Variants in NLRP8 observed in about 807,000 individuals in gnomAD.
NLRP8 encodes the protein NLR family pyrin domain containing 8.
A neutral mutation model predicts 88.7 loss-of-function variants in NLRP8; 86 were observed. That is an observed-to-expected ratio of 0.97 (90% CI 0.81 to 1.16). NLRP8 has a LOEUF of 1.16. Among genes scored for constraint, NLRP8 ranks in the 50% most tolerant of loss-of-function variants. The pLI is 0.00. For synonymous variants in NLRP8, 504 were observed against 494.6 expected (o/e 1.02, Z -0.25); for missense variants, 1,342 against 1,286.5 (o/e 1.04, Z -0.66).
intron 4 of NLRP8, among the ~76,000 whole-genome samples, chr19:55,962,567 C>A (rs189342546): frequency 6.6e-6 from 1 of 152,202 alleles, no homozygotes; most frequent in African/African-American, 2.4e-5. Flanking sequence ...TTCCTGACAT[C>A]TCCCTGGTGC....
intron 5 of NLRP8, among the ~76,000 whole-genome samples, chr19:55,968,417 C>T (rs1006940122): frequency 1.5e-4 from 22 of 151,486 alleles, no homozygotes; most frequent in African/African-American, 3.6e-4. Flanking sequence ...CCAGCCTGGG[C>T]GACAGAGCAA....
At chr19:55,969,543 T>C (rs1159313703) in intron 5 of NLRP8, among the ~76,000 whole-genome samples, 1 of 152,214 alleles carries the variant, frequency 6.6e-6, no homozygotes, top group African/African-American at 2.4e-5. Context: ...TCTTTGCAAT[T>C]GTGAATTGTG....
intron 6 of NLRP8, 52 bp from the exon 7 acceptor site, chr19:55,973,600 G>T: frequency 6.7e-7 from 1 of 1,502,436 alleles, no homozygotes. Flanking sequence ...ACCCTTCTGT[G>T]TGAGACAAAG....
chr19:55,949,729 TCAG>T (rs1238648255), intron 1 of NLRP8, among the ~76,000 whole-genome samples: 18 of 94,480 alleles, frequency 1.9e-4, no homozygotes, highest in African/African-American at 7.2e-4. Context: ...TTACAAGTAG[TCAG>T]TCTCATTGGT....
chr19:55,961,120 G>T (rs776842827), intron 3 of NLRP8, among the ~76,000 whole-genome samples: 1 of 151,998 alleles, frequency 6.6e-6, no homozygotes, highest in African/African-American at 2.4e-5. Flanking sequence ...GGCCAGGCTG[G>T]TCTCGAACTC....
At chr19:55,965,703 C>T (rs778266819) in intron 4 of NLRP8, among the ~76,000 whole-genome samples, 23 of 151,784 alleles carry the variant, frequency 1.5e-4, no homozygotes, top group Non-Finnish European at 1.3e-4. Flanking sequence ...ATGTGCAGAA[C>T]GTGCAGGTTT....
chr19:55,959,810 G>A (rs1836397610), intron 3 of NLRP8, among the ~76,000 whole-genome samples: 1 of 152,180 alleles, frequency 6.6e-6, no homozygotes, highest in African/African-American at 2.4e-5. Flanking sequence ...ACGTGTAAGT[G>A]TTCATTCCTC....
In NLRP8 at chr19:55,955,115, A is replaced by T; in HGVS notation, c.1057A>T (p.Thr353Ser). The T allele has an allele frequency of 6.2e-7, 1 of 1,614,020 alleles. No individual in the cohort carries two copies. The highest frequency in any genetic ancestry group is 8.5e-7 in the Non-Finnish European group (1 of 1,179,970). Residue 353 changes from threonine to serine, a missense_variant, in exon 3 of 10, where the codon ACC becomes TCC. Thr to Ser is a moderately conservative substitution (Grantham distance 58). Transcript: ENST00000291971. ...CTTGCTGAAATGTCCCTCTCTCGTA[A>T]CCCTTCCGGGGTTTAATACGATGGA...
chr19:55,968,180 T>C (rs1266296919), intron 5 of NLRP8, among the ~76,000 whole-genome samples: 1 of 152,246 alleles, frequency 6.6e-6, no homozygotes, highest in African/African-American at 2.4e-5. Context: ...GGCTCATGCC[T>C]GTAATCCCAG....
At chr19:55,954,372 T>G in intron 2 of NLRP8, 129 bp from the exon 3 acceptor site, 1 of 917,094 alleles carries the variant, frequency 1.1e-6, no homozygotes, top group Non-Finnish European at 1.7e-6. Context: ...TCAGGAAAGG[T>G]TATTTCATTT....
chr19:55,958,071 A>G (rs11672912), intron 3 of NLRP8, among the ~76,000 whole-genome samples: 17,515 of 152,076 alleles, frequency 0.12, 1,163 homozygotes, highest in South Asian at 0.18. Context: ...GTCCAAGGTC[A>G]CACATCTGGT....
rs543290155 is a variant in NLRP8 at position 55,968,371 on chromosome 19, G to A, written c.2381+1991G>A. Among the ~76,000 whole-genome samples the A allele has an allele frequency of 1.8e-4, 27 of 151,872 alleles. 1 individual carries two copies. Among genetic ancestry groups the A allele is most frequent in the South Asian group, 4.2e-4 (2 of 4,792 alleles). The stretch of plus-strand genomic sequence containing the variant: ...GGAGAATTGCTTGAACCCGGGAGGC[G>A]GAGGTTGCAGTGAGCCGAGATCACG... On this transcript the variant is annotated intron_variant, in intron 5 of 9. Transcript: ENST00000291971.
At chr19:55,965,405 C>G (rs1034406372) in intron 4 of NLRP8, among the ~76,000 whole-genome samples, 1 of 151,292 alleles carries the variant, frequency 6.6e-6, no homozygotes, top group Non-Finnish European at 1.5e-5. Flanking sequence ...AAGCTGAGAT[C>G]GCACCACTGC....
intron 5 of NLRP8, among the ~76,000 whole-genome samples, chr19:55,968,680 C>T (rs1444011679): frequency 1.3e-5 from 2 of 152,056 alleles, no homozygotes; most frequent in Non-Finnish European, 1.5e-5. Context: ...GCAGAGGTTG[C>T]AGTGAGGCAA....
intron 1 of NLRP8, among the ~76,000 whole-genome samples, chr19:55,948,741 A>G (rs997926817): frequency 6.6e-6 from 1 of 152,182 alleles, no homozygotes; most frequent in Non-Finnish European, 1.5e-5. Flanking sequence ...CCCAGCCCAT[A>G]TGGGCCTATT....
Position 55,988,051 on chromosome 19 carries a change from T to C in NLRP8, c.*138T>C. On this transcript the variant is annotated 3_prime_UTR_variant, in exon 10 of 10. Transcript: ENST00000291971. ...GCAACCCAGTCAACACCACAGAACCTCAGCTTTGAACCCTGGAGTGAGGAC... is the reference window on the plus strand; with the variant it reads ...GCAACCCAGTCAACACCACAGAACCCCAGCTTTGAACCCTGGAGTGAGGAC... 2 of 663,076 alleles carry C rather than the reference T, an allele frequency of 3.0e-6. No homozygotes were observed. The highest frequency in any genetic ancestry group is 4.3e-5 in the Admixed American group (2 of 46,056). 41.1% of individuals were successfully genotyped at this position (663,076 alleles called of 1,614,324 possible).
intron 2 of NLRP8, among the ~76,000 whole-genome samples, chr19:55,953,506 A>AT (rs1157688387): frequency 2.2e-5 from 2 of 90,990 alleles, no homozygotes; most frequent in East Asian, 3.1e-4. Flanking sequence ...TTCTTTCTTT[A>AT]TTTTTTTTGA....
chr19:55,957,328 A>C (rs1979398296), intron 3 of NLRP8, among the ~76,000 whole-genome samples: 1 of 152,168 alleles, frequency 6.6e-6, no homozygotes, highest in Non-Finnish European at 1.5e-5. Flanking sequence ...AGTAGCTACC[A>C]TATCAGACAG....
In NLRP8 at chr19:55,955,631, C is replaced by T; in HGVS notation, c.1573C>T (p.Gln525Ter). The T allele has an allele frequency of 6.2e-7, 1 of 1,614,204 alleles. No individual in the cohort carries two copies. Among genetic ancestry groups the T allele is most frequent in the Non-Finnish European group, 8.5e-7 (1 of 1,180,026 alleles). ...CTTGTTTTATGTTCTCTGTTTCCCA[C>T]AAAGACTCAAAAATTTTCATGTGTT... The change falls in exon 3 of 10, where the codon CAA becomes TAA. Residue 525 changes from glutamine (Q) to a stop codon, truncating the protein, a stop_gained. Coordinates refer to ENST00000291971, the MANE Select transcript of NLRP8 (RefSeq NM_176811.2). LOFTEE classifies it high-confidence loss of function.
Sources: gnomAD v4.1 joint callset for allele counts (sites outside exome capture counted in the v4.1 genomes callset) on GRCh38, gnomAD v4.1.1 for gene constraint, MANE v1.5 for transcripts, NCBI Gene and HGNC (gene_info 2026-07-23, HGNC 2026-07-21) for gene names.